The following DISP3 variants were observed in gnomAD, a reference collection of about 807,000 sequenced individuals.
The protein encoded by DISP3 is dispatched RND transporter family member 3, also known as protein dispatched homolog 3.
A neutral mutation model predicts 135.3 loss-of-function variants in DISP3; 101 were observed. The ratio of observed to expected loss-of-function variants is 0.75; its 90% CI spans 0.64 to 0.88. The LOEUF is 0.88. Ranked by LOEUF, DISP3 falls within the 40% of genes least tolerant of loss-of-function variation. The pLI is 0.00. For synonymous variants in DISP3, 856 were observed against 817.0 expected, an observed-to-expected ratio of 1.05 and a Z score of -0.81; for missense variants, 1,713 against 1,878.6, an observed-to-expected ratio of 0.91 and a Z score of 1.63.
At position 11,535,000 on chromosome 1, in the gene DISP3, C is replaced by G; in HGVS notation, c.3536-11C>G. 1 of 1,566,594 alleles carries G rather than the reference C, an allele frequency of 6.4e-7. No individual in the cohort carries two copies. Among genetic ancestry groups the G allele is most frequent in the Non-Finnish European group, 8.6e-7 (1 of 1,159,818 alleles). On this transcript the variant is annotated splice_polypyrimidine_tract_variant and intron_variant, in intron 18 of 20. Coordinates refer to ENST00000294484, the MANE Select transcript of DISP3 (RefSeq NM_020780.2). ...CACAGCAGCGCACTGAGGCCCTGTC[C>G]TCCCTTGCAGGGGTGCAGAGCGCCC...
At chr1:11,481,092 T>C (rs1172520281) in intron 1 of DISP3, among the ~76,000 whole-genome samples, 1 of 147,934 alleles carries the variant, frequency 6.8e-6, no homozygotes, top group Non-Finnish European at 1.5e-5. Context: ...CACACGCACA[T>C]GCACCCTCTT....
chr1:11,504,864 G>A (rs1641653158), intron 3 of DISP3, among the ~76,000 whole-genome samples: 1 of 152,158 alleles, frequency 6.6e-6, no homozygotes, highest in African/African-American at 2.4e-5. Context: ...TTCTGTTATA[G>A]CAACATAAAT....
At chr1:11,517,638 T>C in intron 7 of DISP3, 36 bp downstream of exon 7, 1 of 1,608,224 alleles carries the variant, frequency 6.2e-7, no homozygotes, top group African/African-American at 1.3e-5. Context: ...CAGCAGGGTA[T>C]CCACAACAGG....
chr1:11,494,453 G>A (rs942791130), intron 1 of DISP3, among the ~76,000 whole-genome samples: 6 of 152,198 alleles, frequency 3.9e-5, no homozygotes, highest in Non-Finnish European at 7.3e-5. Context: ...TCCAGGTCTC[G>A]GGGAAAGGTT....
chr1:11,525,185 G>A lies in DISP3; in HGVS notation c.2486G>A (p.Gly829Asp). Reference protein sequence around the residue: ...RPEATLQDFPGTVYISKVKSQ... With the variant: ...RPEATLQDFPDTVYISKVKSQ... ...CCTTATTTGTCCGTAGATTTCCCAGGCACCGTGTACATCTCTAAAGTGAAG... is the reference window on the plus strand; with the variant it reads ...CCTTATTTGTCCGTAGATTTCCCAGACACCGTGTACATCTCTAAAGTGAAG... The change falls in exon 12 of 21, where the codon GGC (glycine) becomes GAC (aspartate). Residue 829 changes from glycine to aspartate, a missense_variant. Transcript: ENST00000294484. 6.2e-7 allele frequency: 1 copy of A among 1,613,548 alleles called. No homozygotes were observed. Among genetic ancestry groups the A allele is most frequent in the South Asian group, 1.1e-5 (1 of 91,060 alleles).
chr1:11,489,729 C>T (rs960713411), intron 1 of DISP3, among the ~76,000 whole-genome samples: 7 of 152,208 alleles, frequency 4.6e-5, no homozygotes, highest in Admixed American at 2.6e-4. Flanking sequence ...GTCACACAGG[C>T]GAGTGGCCAG....
At position 11,535,596 on chromosome 1, in the gene DISP3, C is replaced by A; in HGVS notation, c.3768C>A (p.Val1256=). ...CCGTGGATTACTGCGTCCACCTGGT[C>A]GAGGGCTACCTGCTGGCTGGAGAGA... ...GSSVDYCVHL[V]EGYLLAGENL... is the part of the protein sequence containing the mutation. The change falls in exon 20 of 21, where the codon GTC becomes GTA. Residue 1256 remains valine, a synonymous_variant. Transcript: ENST00000294484. 2.5e-6 allele frequency: 4 copies of A among 1,613,316 alleles called. No homozygotes were observed. The highest frequency in any genetic ancestry group is 3.4e-6 in the Non-Finnish European group (4 of 1,179,884).
chr1:11,496,837 G>A (rs1641347884), intron 1 of DISP3, among the ~76,000 whole-genome samples: 1 of 152,204 alleles, frequency 6.6e-6, no homozygotes, highest in East Asian at 1.9e-4. Flanking sequence ...CAGCTGGAAG[G>A]ACCTGGGCTT....
chr1:11,519,341 T>TA lies in DISP3; in HGVS notation c.1890-13dup, dbSNP rs769676822. ...GACCCTCTGGTTCACCCCTGTCCCC[T>TA]ACTCTCTCCACAGCTGCCACCAGAA... On this transcript the variant is annotated splice_polypyrimidine_tract_variant and intron_variant, in intron 7 of 20. Coordinates refer to ENST00000294484, the MANE Select transcript of DISP3 (RefSeq NM_020780.2). This position sits in a 1 kb window ranked among gnomAD's most constrained non-coding sequence, Gnocchi z 4.3. 5.6e-6 allele frequency: 9 copies of TA among 1,611,368 alleles called. No homozygotes were observed. The African/African-American group carries it at 1.2e-4, about 22-fold the overall frequency.
At chr1:11,506,405 G>GT (rs1438187860) in intron 3 of DISP3, among the ~76,000 whole-genome samples, 6 of 151,542 alleles carry the variant, frequency 4.0e-5, no homozygotes, top group African/African-American at 1.5e-4. Context: ...AGCCCCATAT[G>GT]TTTTCAATGC....
Position 11,519,080 on chromosome 1 carries a change from G to A in DISP3, c.1890-275G>A, listed in dbSNP as rs184331242. Among the ~76,000 whole-genome samples the A allele has an allele frequency of 6.6e-6, 1 of 152,220 alleles. No homozygotes were observed. The highest frequency in any genetic ancestry group is 1.9e-4 in the East Asian group (1 of 5,180). On this transcript the variant is annotated intron_variant, in intron 7 of 20. Coordinates refer to ENST00000294484, the MANE Select transcript of DISP3 (RefSeq NM_020780.2). This position sits in a 1 kb window ranked among gnomAD's most constrained non-coding sequence, Gnocchi z 4.3. ...AGTCCCCTGATTTGATCACCTTAGT[G>A]CCCGGGCCACTGTGTGTTGTCATCC...
intron 1 of DISP3, among the ~76,000 whole-genome samples, chr1:11,493,416 T>G (rs1641240517): frequency 6.6e-6 from 1 of 152,198 alleles, no homozygotes; most frequent in African/African-American, 2.4e-5. Context: ...TGCTTTACTC[T>G]GTGTACTGAT....
Position 11,502,052 on chromosome 1 carries a change from T to C in DISP3, c.1060T>C (p.Tyr354His). ...FPTERGGKIY[Y>H]DGMGQDLADI... ...CACCGAGAGGGGCGGCAAGATCTAC[T>C]ATGACGGCATGGGCCAGGACCTGGC... Residue 354 changes from tyrosine to histidine, a missense_variant, in exon 2 of 21, where the codon TAT becomes CAT. Tyr to His is a moderately conservative substitution (Grantham distance 83, BLOSUM62 2). Transcript: ENST00000294484. The C allele has an allele frequency of 6.3e-7, 1 of 1,593,308 alleles. No homozygotes were observed. The highest frequency in any genetic ancestry group is 8.6e-7 in the Non-Finnish European group (1 of 1,169,044).
chr1:11,517,730 AAGG>A, intron 7 of DISP3, 128 bp downstream of exon 7: 1 of 1,262,052 alleles, frequency 7.9e-7, no homozygotes, highest in South Asian at 1.5e-5. Context: ...GGGAACAGGG[AAGG>A]AGAAGATGCT....
In DISP3 at chr1:11,496,554, G is replaced by C. The variant is rs116381089; in HGVS notation, c.-3-4436G>C. Among the ~76,000 whole-genome samples the C allele has an allele frequency of 1.3e-3, 201 of 152,270 alleles. 1 individual carries two copies. Among genetic ancestry groups the C allele is most frequent in the African/African-American group, 4.3e-3 (179 of 41,548 alleles). The stretch of plus-strand genomic sequence containing the variant: ...TGACAGCTACTACAGGAACCACCTT[G>C]GTTCCTTTCCACGGAGCAGCTGGAG... On this transcript the variant is annotated intron_variant, in intron 1 of 20. Transcript: ENST00000294484.
At chr1:11,485,879 G>C (rs1641024636) in intron 1 of DISP3, among the ~76,000 whole-genome samples, 2 of 152,196 alleles carry the variant, frequency 1.3e-5, no homozygotes. Flanking sequence ...ATGGGACCCA[G>C]CTGCCATGCG....
At chr1:11,504,086 C>A (rs1641632451) in intron 3 of DISP3, among the ~76,000 whole-genome samples, 1 of 152,206 alleles carries the variant, frequency 6.6e-6, no homozygotes, top group Non-Finnish European at 1.5e-5. Flanking sequence ...ACCCTCATTC[C>A]TTCCACTGCT....
chr1:11,491,894 G>A lies in DISP3; in HGVS notation c.-3-9096G>A, dbSNP rs1264008007. Among the ~76,000 whole-genome samples, 6 of 151,756 alleles carry A rather than the reference G, an allele frequency of 4.0e-5. No individual in the cohort carries two copies. Among genetic ancestry groups the A allele is most frequent in the Admixed American group, 6.6e-5 (1 of 15,254 alleles). On this transcript the variant is annotated intron_variant, in intron 1 of 20. Transcript: ENST00000294484. The surrounding 1 kb of genome is among the most constrained non-coding windows in gnomAD (Gnocchi z 4.3). The stretch of plus-strand genomic sequence containing the variant: ...TCCCAGCACTTTGGGAGGCCGAGGC[G>A]GGCGGATCACGAGGTCAGGAGATCG...
Position 11,529,536 on chromosome 1 carries a change from A to G in DISP3, c.2799-20A>G. On this transcript the variant is annotated intron_variant, in intron 13 of 20. Transcript: ENST00000294484. The surrounding 1 kb of genome is among the most constrained non-coding windows in gnomAD (Gnocchi z 4.7). ...CTCCTAGCCTTTCCGGCCTCAGCCC[A>G]GCCTCCATTCCCTCCACAGGAAGCT... 6.5e-7 allele frequency: 1 copy of G among 1,540,322 alleles called. No homozygotes were observed. Among genetic ancestry groups the G allele is most frequent in the Non-Finnish European group, 8.8e-7 (1 of 1,140,868 alleles).
Sources: gnomAD v4.1 joint callset for allele counts (sites outside exome capture counted in the v4.1 genomes callset) on GRCh38, gnomAD v4.1.1 for gene constraint, Gnocchi (gnomAD v3.1) non-coding constraint, MANE v1.5 for transcripts, NCBI Gene and HGNC (gene_info 2026-07-23, HGNC 2026-07-21) for gene names.